Variants in CCZ1 observed in about 807,000 individuals in gnomAD.
CCZ1 encodes the protein CCZ1 vacuolar protein trafficking and biogenesis associated.
CCZ1 carries 19 observed loss-of-function variants against 57.8 expected under a neutral mutation model. That is an observed-to-expected ratio of 0.33 (90% confidence interval 0.23 to 0.48). The LOEUF (loss-of-function observed/expected upper bound fraction) is 0.48. Among genes scored for constraint, CCZ1 ranks in the 20% least tolerant of loss-of-function variants. The pLI is 0.99. For synonymous variants in CCZ1, 81 were observed against 167.0 expected, an observed-to-expected ratio of 0.49 and a Z score of 3.97; for missense variants, 200 against 492.0, an observed-to-expected ratio of 0.41 and a Z score of 5.61.
At chr7:5,912,738 C>T (rs1441975854) in intron 9 of CCZ1, 105 bp from the exon 10 acceptor site, 3 of 1,232,460 alleles carry the variant, frequency 2.4e-6, no homozygotes, top group Non-Finnish European at 3.6e-6. Flanking sequence ...TAGCACCTGG[C>T]ATCAAAAGCA....
chr7:5,899,004 A>C, intron 1 of CCZ1, 85 bp downstream of exon 1: 1 of 292,598 alleles, frequency 3.4e-6, no homozygotes, highest in South Asian at 4.0e-5. Context: ...CTCGAGGGGC[A>C]CTGACCTAGC....
At position 5,911,942 on chromosome 7, in the gene CCZ1, A is replaced by T. The variant is rs1779048410; in HGVS notation, c.842+20A>T. ...TGGAAGGTAGGACTTCTGTTCTTTG[A>T]TTTATGATACTGGGTTTTCTTTCTT... On this transcript the variant is annotated intron_variant, in intron 9 of 14. Transcript: ENST00000325974. 1 of 1,555,154 alleles carries T rather than the reference A, an allele frequency of 6.4e-7. No individual in the cohort carries two copies. Among genetic ancestry groups the T allele is most frequent in the Non-Finnish European group, 8.7e-7 (1 of 1,153,800 alleles).
rs1441065987 is a variant in CCZ1, at chr7:5,901,720, T to G, written c.438+16T>G. On this transcript the variant is annotated intron_variant, in intron 5 of 14. Transcript: ENST00000325974. ...CATGTACAAGGTAAGCGTGGCGTTC[T>G]TTCTCAACTCAGAGTCCAGCCACTT... 20 of 1,598,206 alleles carry G rather than the reference T, an allele frequency of 1.3e-5. No homozygotes were observed. Among genetic ancestry groups the G allele is most frequent in the Non-Finnish European group, 1.7e-5 (20 of 1,176,420 alleles).
At chr7:5,916,749 A>G (rs1320416358) in intron 10 of CCZ1, among the ~76,000 whole-genome samples, 7 of 145,634 alleles carry the variant, frequency 4.8e-5, no homozygotes, top group South Asian at 2.1e-4. Flanking sequence ...CTTAGTCTCC[A>G]GCCCTCCAGA....
intron 12 of CCZ1, among the ~76,000 whole-genome samples, chr7:5,920,753 T>A (rs375829276): frequency 0.15 from 18,285 of 121,926 alleles, 737 homozygotes; most frequent in African/African-American, 0.17. Flanking sequence ...ATTACAGGTG[T>A]GAGCTACCGC....
At chr7:5,911,840 C>A (rs765518333) in intron 8 of CCZ1, 21 bp from the exon 9 acceptor site, 43 of 1,521,630 alleles carry the variant, frequency 2.8e-5, no homozygotes, top group Non-Finnish European at 3.4e-5. Flanking sequence ...AAGTCATTCT[C>A]AACATTAAAT....
chr7:5,911,226 A>C (rs1406362442), intron 8 of CCZ1, among the ~76,000 whole-genome samples: 1 of 149,070 alleles, frequency 6.7e-6, no homozygotes, highest in Non-Finnish European at 1.5e-5. Flanking sequence ...AAATGATATC[A>C]CTGTGTTCTC....
chr7:5,909,468 G>GT (rs765269326), intron 7 of CCZ1, among the ~76,000 whole-genome samples: 17 of 149,858 alleles, frequency 1.1e-4, no homozygotes, highest in Non-Finnish European at 3.0e-5. Context: ...TTAGGAGGCT[G>GT]AGGCGGGAGC....
At chr7:5,914,247 A>G (rs1443353424) in intron 10 of CCZ1, among the ~76,000 whole-genome samples, 2 of 146,596 alleles carry the variant, frequency 1.4e-5, no homozygotes, top group Non-Finnish European at 3.0e-5. Context: ...AGCCTGGGCA[A>G]CATAGTAAGA....
chr7:5,900,721 C>T, intron 3 of CCZ1, 134 bp from the exon 4 acceptor site: 1 of 1,513,980 alleles, frequency 6.6e-7, no homozygotes, highest in African/African-American at 1.4e-5. Context: ...TTCCTATTTG[C>T]TTTATTCATT....
Position 5,901,642 on chromosome 7 carries a change from T to G in CCZ1, c.391-15T>G, listed in dbSNP as rs1329118053. The stretch of plus-strand genomic sequence containing the variant: ...CCCTTGAACTGAGCTGTGTGCTGTG[T>G]TTTCGCGTCTGCAGGACAAGGTTTA... On this transcript the variant is annotated splice_polypyrimidine_tract_variant and intron_variant, in intron 4 of 14. Coordinates refer to ENST00000325974, the MANE Select transcript of CCZ1 (RefSeq NM_015622.6). 3.1e-6 allele frequency: 5 copies of G among 1,594,540 alleles called. No homozygotes were observed. Among genetic ancestry groups the G allele is most frequent in the Non-Finnish European group, 3.4e-6 (4 of 1,173,996 alleles).
At position 5,914,769 on chromosome 7, in the gene CCZ1, C is replaced by G. The variant is rs1290083010; in HGVS notation, c.954+1815C>G. 8.9e-5 allele frequency among the ~76,000 whole-genome samples: 13 copies of G among 146,474 alleles called. 1 individual carries two copies. Among genetic ancestry groups the G allele is most frequent in the African/African-American group, 3.3e-4 (13 of 39,292 alleles). On this transcript the variant is annotated intron_variant, in intron 10 of 14. Transcript: ENST00000325974. ...CACACGCCTCTAATCCCAGCTACTC[C>G]GGAGGCTGAGGCAGGAGAATCACTT...
rs572534245 is a variant in CCZ1 at position 5,905,526 on chromosome 7, G to A, written c.698+257G>A. Among the ~76,000 whole-genome samples, 196 of 146,676 alleles carry A rather than the reference G, an allele frequency of 1.3e-3. 7 individuals are homozygous for A. Among genetic ancestry groups the A allele is most frequent in the African/African-American group, 4.8e-3 (186 of 38,816 alleles). On this transcript the variant is annotated intron_variant, in intron 7 of 14. Coordinates refer to ENST00000325974, the MANE Select transcript of CCZ1 (RefSeq NM_015622.6). ...AGGCTGGGCACGGTGGCTCACACCT[G>A]TAATCTTAGCACTTTGGGAGGCTGA...
At chr7:5,922,892 T>G (rs1779272137) in intron 12 of CCZ1, among the ~76,000 whole-genome samples, 1 of 150,434 alleles carries the variant, frequency 6.6e-6, no homozygotes, top group East Asian at 1.9e-4. Flanking sequence ...GACCCAATAA[T>G]AAGTATCTCA....
In CCZ1 at chr7:5,903,338, G is replaced by A. The variant is rs1781727508; in HGVS notation, c.522+594G>A. 2.1e-5 allele frequency among the ~76,000 whole-genome samples: 3 copies of A among 142,904 alleles called. 1 individual carries two copies. In the East Asian group the frequency reaches 7.3e-4, roughly 35 times the overall value. The allele number at this position is 142,904 out of a possible 152,430, so 93.8% of individuals were successfully genotyped here. On this transcript the variant is annotated intron_variant, in intron 6 of 14. Coordinates refer to ENST00000325974, the MANE Select transcript of CCZ1 (RefSeq NM_015622.6). ...GACAGGGTCTTGTCTTGGTTGTTTT[G>A]CCCAGGCTGGTTTCAAGCGATCTTC...
intron 8 of CCZ1, among the ~76,000 whole-genome samples, chr7:5,911,426 C>G (rs555990902): frequency 2.0e-5 from 3 of 148,240 alleles, no homozygotes; most frequent in Non-Finnish European, 4.4e-5. Flanking sequence ...CCTCAGCCTC[C>G]CAAGTAGCTG....
At position 5,906,483 on chromosome 7, in the gene CCZ1, C is replaced by T. The variant is rs376629610; in HGVS notation, c.698+1214C>T. Among the ~76,000 whole-genome samples the T allele has an allele frequency of 8.1e-5, 12 of 148,280 alleles. 2 individuals carry two copies. The highest frequency in any genetic ancestry group is 2.2e-4 in the African/African-American group (9 of 40,006). On this transcript the variant is annotated intron_variant, in intron 7 of 14. Coordinates refer to ENST00000325974, the MANE Select transcript of CCZ1 (RefSeq NM_015622.6). ...GATTACAGGCATATGCCACCATGCC[C>T]GGCTAATTTTTGTATTTTCAGTACA...
Position 5,909,255 on chromosome 7 carries a change from T to C in CCZ1, c.699-780T>C, listed in dbSNP as rs199753105. 9.3e-5 allele frequency among the ~76,000 whole-genome samples: 14 copies of C among 149,740 alleles called. 1 individual carries two copies. The East Asian group carries it at 2.4e-3, about 25-fold the overall frequency. On this transcript the variant is annotated intron_variant, in intron 7 of 14. Coordinates refer to ENST00000325974, the MANE Select transcript of CCZ1 (RefSeq NM_015622.6). ...CAGTCAGGTGGTGAGCCTCTTGATA[T>C]AATGTTAAAGAGAAAAGCACCAGTA...
At chr7:5,901,795 C>T in intron 5 of CCZ1, 91 bp downstream of exon 5, 1 of 1,512,860 alleles carries the variant, frequency 6.6e-7, no homozygotes, top group Non-Finnish European at 8.9e-7. Context: ...CTGTAAATGA[C>T]TGCAAAGTGA....
Sources: allele counts gnomAD v4.1 joint callset (sites outside exome capture counted in the v4.1 genomes callset), GRCh38; gene constraint gnomAD v4.1.1; transcripts MANE v1.5; gene names NCBI Gene and HGNC (gene_info 2026-07-23, HGNC 2026-07-21).